The following ITPKB variants were observed in gnomAD, a reference collection of about 807,000 sequenced individuals.
The protein encoded by ITPKB is inositol-trisphosphate 3-kinase B, also known as IP3 3-kinase B.
Under a neutral mutation model 69.4 loss-of-function variants are expected in ITPKB, and 13 were observed. The ratio of observed to expected loss-of-function variants is 0.19; its 90% CI spans 0.12 to 0.30. The LOEUF (loss-of-function observed/expected upper bound fraction) is 0.30. ITPKB is among the 10% of genes least tolerant of loss of function. The probability of loss-of-function intolerance (pLI) is 1.00; values close to 1 mark genes in which losing one functional copy is unlikely to be tolerated. For missense variants in ITPKB, 1,240 were observed against 1,250.5 expected (o/e 0.99, Z 0.13); for synonymous variants, 584 against 513.7 (o/e 1.14, Z -1.85).
At chr1:226,690,654 GAGA>G (rs1656327843) in intron 2 of ITPKB, among the ~76,000 whole-genome samples, 1 of 152,158 alleles carries the variant, frequency 6.6e-6, no homozygotes, top group African/African-American at 2.4e-5. Flanking sequence ...TACGTCAACT[GAGA>G]AGGACAGACA....
intron 2 of ITPKB, among the ~76,000 whole-genome samples, chr1:226,664,683 G>A (rs1354583867): frequency 6.6e-6 from 1 of 152,198 alleles, no homozygotes; most frequent in Non-Finnish European, 1.5e-5. Flanking sequence ...TCGGAGTGAA[G>A]TCACCAAGGA....
chr1:226,673,861 A>C (rs943818384), intron 2 of ITPKB, among the ~76,000 whole-genome samples: 10 of 152,310 alleles, frequency 6.6e-5, no homozygotes, highest in Non-Finnish European at 1.3e-4. Context: ...CACTCCTGCT[A>C]CAGAAAGATT....
chr1:226,700,063 C>T (rs570704394), intron 2 of ITPKB, among the ~76,000 whole-genome samples: 4 of 152,296 alleles, frequency 2.6e-5, no homozygotes, highest in South Asian at 2.1e-4. Context: ...TATCTGCACT[C>T]GCAGCTAATT....
chr1:226,647,118 T>C (rs971534260), intron 4 of ITPKB, 49 bp downstream of exon 4: 6 of 1,546,622 alleles, frequency 3.9e-6, no homozygotes, highest in South Asian at 1.1e-5. Flanking sequence ...GCACCTGCCA[T>C]GTGGCTTGCA....
rs570535640 is a variant in ITPKB at position 226,640,382 on chromosome 1, G to A, written c.2452-724C>T. Among the ~76,000 whole-genome samples, 311 of 152,334 alleles carry A rather than the reference G, an allele frequency of 2.0e-3. 1 individual carries two copies. The highest frequency in any genetic ancestry group is 7.0e-3 in the African/African-American group (289 of 41,572). On this transcript the variant is annotated intron_variant, in intron 5 of 7. Coordinates refer to ENST00000429204, the MANE Select transcript of ITPKB (RefSeq NM_002221.4). ...GCCGTGTCTGCCCTCAGGCTGGAGAGTACTTCAGCTGTGTCCTCACTGTGG... is the reference window on the plus strand; with the variant it reads ...GCCGTGTCTGCCCTCAGGCTGGAGAATACTTCAGCTGTGTCCTCACTGTGG...
chr1:226,710,441 C>A (rs1269440038), intron 2 of ITPKB, among the ~76,000 whole-genome samples: 1 of 152,212 alleles, frequency 6.6e-6, no homozygotes, highest in South Asian at 2.1e-4. Context: ...CCGTTTCCTT[C>A]CTTTCTTCTG....
At chr1:226,709,458 A>G (rs950642806) in intron 2 of ITPKB, among the ~76,000 whole-genome samples, 2 of 152,148 alleles carry the variant, frequency 1.3e-5, no homozygotes, top group Admixed American at 6.5e-5. Context: ...ATAGTAACAG[A>G]CAAGAAGTGG....
At chr1:226,684,137 C>A (rs961962079) in intron 2 of ITPKB, among the ~76,000 whole-genome samples, 1 of 152,162 alleles carries the variant, frequency 6.6e-6, no homozygotes, top group Admixed American at 6.5e-5. Context: ...TTCTCTCTCA[C>A]CTTTCGCATG....
intron 2 of ITPKB, among the ~76,000 whole-genome samples, chr1:226,730,607 C>G (rs1160667206): frequency 6.6e-6 from 1 of 152,184 alleles, no homozygotes; most frequent in African/African-American, 2.4e-5. Flanking sequence ...CTTTAGAAGA[C>G]TTCCCAAGTT....
At chr1:226,686,136 G>A (rs1174325412) in intron 2 of ITPKB, among the ~76,000 whole-genome samples, 4 of 152,144 alleles carry the variant, frequency 2.6e-5, no homozygotes, top group Admixed American at 2.6e-4. Context: ...CCAAGGGAAA[G>A]CCATGTGGGC....
At chr1:226,703,432 G>A (rs1656716612) in intron 2 of ITPKB, among the ~76,000 whole-genome samples, 1 of 152,238 alleles carries the variant, frequency 6.6e-6, no homozygotes, top group South Asian at 2.1e-4. Flanking sequence ...TTCGGGCAGG[G>A]CGGTGAAGCA....
chr1:226,689,569 T>TTGTTTG (rs1553255311), intron 2 of ITPKB, among the ~76,000 whole-genome samples: 1 of 138,474 alleles, frequency 7.2e-6, no homozygotes, highest in African/African-American at 2.7e-5. Context: ...AAGGTTTTAT[T>TTGTTTG]TGTGTGTGTG....
At position 226,671,877 on chromosome 1, in the gene ITPKB, A is replaced by G. The variant is rs184621468; in HGVS notation, c.1933-23106T>C. Among the ~76,000 whole-genome samples the G allele has an allele frequency of 1.7e-3, 253 of 152,328 alleles. 2 individuals carry two copies. Among genetic ancestry groups the G allele is most frequent in the African/African-American group, 5.9e-3 (246 of 41,574 alleles). On this transcript the variant is annotated intron_variant, in intron 2 of 7. Coordinates refer to ENST00000429204, the MANE Select transcript of ITPKB (RefSeq NM_002221.4). ...AAACAAAGAGGAGAATATATCACAT[A>G]TGAGGTCAGTTCTTGCAGAGTTTTT...
chr1:226,674,676 A>G (rs1005304698), intron 2 of ITPKB, among the ~76,000 whole-genome samples: 6 of 152,128 alleles, frequency 3.9e-5, no homozygotes, highest in Non-Finnish European at 8.8e-5. Flanking sequence ...ATCTAAAATT[A>G]GCACCTCTCT....
intron 2 of ITPKB, among the ~76,000 whole-genome samples, chr1:226,664,990 G>A (rs1415608758): frequency 5.3e-5 from 8 of 152,220 alleles, no homozygotes; most frequent in Non-Finnish European, 1.5e-5. Context: ...AGGAAAGGCC[G>A]TGGGTGAGTG....
In ITPKB at chr1:226,640,363, T is replaced by A. The variant is rs1668933454; in HGVS notation, c.2452-705A>T. 2.0e-5 allele frequency among the ~76,000 whole-genome samples: 3 copies of A among 152,370 alleles called. No homozygotes were observed. The South Asian group carries it at 6.2e-4, about 32-fold the overall frequency. On this transcript the variant is annotated intron_variant, in intron 5 of 7. Transcript: ENST00000429204. Reference sequence around the variant, plus strand: ...CCAGGAGTCCCAACAGTGGGCCGTGTCTGCCCTCAGGCTGGAGAGTACTTC... The same window carrying A: ...CCAGGAGTCCCAACAGTGGGCCGTGACTGCCCTCAGGCTGGAGAGTACTTC...
chr1:226,651,213 C>G (rs1669185393), intron 2 of ITPKB, among the ~76,000 whole-genome samples: 1 of 152,106 alleles, frequency 6.6e-6, no homozygotes, highest in Admixed American at 6.5e-5. Context: ...TGGTTGGGAA[C>G]CAGACCTGCT....
chr1:226,642,176 C>A lies in ITPKB; in HGVS notation c.2247-51G>T. 2 of 1,456,770 alleles carry A rather than the reference C, an allele frequency of 1.4e-6. No homozygotes were observed. The highest frequency in any genetic ancestry group is 1.2e-5 in the South Asian group (1 of 82,944). 90.2% of individuals were successfully genotyped at this position (1,456,770 alleles called of 1,614,324 possible). On this transcript the variant is annotated intron_variant, in intron 4 of 7. Coordinates refer to ENST00000429204, the MANE Select transcript of ITPKB (RefSeq NM_002221.4). The surrounding 1 kb of genome is among the most constrained non-coding windows in gnomAD (Gnocchi z 6.4). ...GGGCCGAGGCCTGGGGCAGGGCTCA[C>A]CAGCAGCTCCTTTCCTGCCTGGTGG... is the stretch of plus-strand genomic sequence containing the variant.
chr1:226,640,298 A>G, intron 5 of ITPKB, among the ~76,000 whole-genome samples: 1 of 152,104 alleles, frequency 6.6e-6, no homozygotes, highest in South Asian at 2.1e-4. Flanking sequence ...TTGCTGACCT[A>G]TGAGGAAATC....
Sources: gnomAD v4.1 joint callset for allele counts (sites outside exome capture counted in the v4.1 genomes callset) on GRCh38, gnomAD v4.1.1 for gene constraint, Gnocchi (gnomAD v3.1) non-coding constraint, MANE v1.5 for transcripts, NCBI Gene and HGNC (gene_info 2026-07-23, HGNC 2026-07-21) for gene names.